MGMT: variants seen among roughly 807,000 people sequenced by gnomAD.
The protein encoded by MGMT is O-6-methylguanine-DNA methyltransferase.
A neutral mutation model predicts 15.9 loss-of-function variants in MGMT; 14 were observed. That is an observed-to-expected ratio of 0.88 (90% CI 0.58 to 1.37). MGMT has a LOEUF of 1.37. Ranked by LOEUF, MGMT falls within the 40% of genes most tolerant of loss-of-function variation. MGMT has a pLI of 0.00. For synonymous variants in MGMT, 130 were observed against 118.2 expected, an observed-to-expected ratio of 1.10 and a Z score of -0.65; for missense variants, 282 against 268.1, an observed-to-expected ratio of 1.05 and a Z score of -0.36.
chr10:129,672,531 T>C (rs536347121), intron 2 of MGMT, among the ~76,000 whole-genome samples: 1 of 152,322 alleles, frequency 6.6e-6, no homozygotes, highest in African/African-American at 2.4e-5. Context: ...TATTTCCCAT[T>C]ATTTTATATC....
At chr10:129,698,055 G>A (rs1443007375) in intron 2 of MGMT, among the ~76,000 whole-genome samples, 2 of 152,174 alleles carry the variant, frequency 1.3e-5, no homozygotes, top group Non-Finnish European at 2.9e-5. Flanking sequence ...GGTCTGTGCA[G>A]GAAAGAGTGA....
At chr10:129,702,856 G>A (rs1848115635) in intron 2 of MGMT, among the ~76,000 whole-genome samples, 1 of 152,182 alleles carries the variant, frequency 6.6e-6, no homozygotes, top group Non-Finnish European at 1.5e-5. Context: ...GCCCGTAATT[G>A]TTAGTGTTTC....
At chr10:129,652,603 G>A (rs923835784) in intron 2 of MGMT, among the ~76,000 whole-genome samples, 1 of 152,234 alleles carries the variant, frequency 6.6e-6, no homozygotes, top group Admixed American at 6.5e-5. Context: ...CCAGGCATGG[G>A]CACCTGACAC....
intron 2 of MGMT, among the ~76,000 whole-genome samples, chr10:129,604,161 G>A (rs1846858269): frequency 6.6e-6 from 1 of 152,158 alleles, no homozygotes; most frequent in Non-Finnish European, 1.5e-5. Context: ...CCTCCTCCTT[G>A]TTTGCATGAT....
At chr10:129,740,751 G>A (rs935284509) in intron 3 of MGMT, among the ~76,000 whole-genome samples, 3 of 152,178 alleles carry the variant, frequency 2.0e-5, no homozygotes, top group African/African-American at 7.2e-5. Flanking sequence ...GGGCGACCTT[G>A]GATAGGCTGC....
chr10:129,712,375 C>T (rs2133146503), intron 3 of MGMT, among the ~76,000 whole-genome samples: 1 of 152,330 alleles, frequency 6.6e-6, no homozygotes, highest in African/African-American at 2.4e-5. Context: ...TTAATAATTC[C>T]TTCGTCACAG....
intron 2 of MGMT, among the ~76,000 whole-genome samples, chr10:129,679,092 G>A (rs1003079652): frequency 3.3e-5 from 5 of 150,770 alleles, no homozygotes; most frequent in African/African-American, 1.2e-4. Flanking sequence ...AAAAAGAATC[G>A]TGATATTCTT....
intron 2 of MGMT, among the ~76,000 whole-genome samples, chr10:129,707,415 A>G (rs894462838): frequency 2.0e-5 from 3 of 151,856 alleles, no homozygotes; most frequent in African/African-American, 7.3e-5. Flanking sequence ...CGTGGGAATC[A>G]GGGGACTGCA....
In MGMT at chr10:129,556,478, A is replaced by T. The variant is rs1417081828; in HGVS notation, c.125+20101A>T. 6.6e-6 allele frequency among the ~76,000 whole-genome samples: 1 copy of T among 152,052 alleles called. No individual in the cohort carries two copies. Among genetic ancestry groups the T allele is most frequent in the Non-Finnish European group, 1.5e-5 (1 of 68,000 alleles). On this transcript the variant is annotated intron_variant, in intron 2 of 4. Transcript: ENST00000651593. This position sits in a 1 kb window ranked among gnomAD's most constrained non-coding sequence, Gnocchi z 4.3. ...CTTGGAGAAAACCAGCTGTGCCTAC[A>T]CCTTGGGTTCAGACTTGCAGCACCC... is the stretch of plus-strand genomic sequence containing the variant.
chr10:129,688,015 A>G (rs953800621), intron 2 of MGMT, among the ~76,000 whole-genome samples: 4 of 152,154 alleles, frequency 2.6e-5, no homozygotes, highest in Non-Finnish European at 5.9e-5. Flanking sequence ...TGTCCCTATA[A>G]AAGACATGAA....
At chr10:129,562,987 C>T (rs1226000328) in intron 2 of MGMT, among the ~76,000 whole-genome samples, 1 of 152,122 alleles carries the variant, frequency 6.6e-6, no homozygotes, top group African/African-American at 2.4e-5. Context: ...CACCATTCTG[C>T]GTCTCAGTAC....
intron 2 of MGMT, among the ~76,000 whole-genome samples, chr10:129,617,609 A>G (rs1474571790): frequency 6.6e-6 from 1 of 151,970 alleles, no homozygotes; most frequent in Non-Finnish European, 1.5e-5. Context: ...TTGACTTTTT[A>G]ATAAAAACCA....
At chr10:129,612,400 T>C (rs1846971429) in intron 2 of MGMT, among the ~76,000 whole-genome samples, 1 of 152,230 alleles carries the variant, frequency 6.6e-6, no homozygotes, top group African/African-American at 2.4e-5. Flanking sequence ...TCAGGTTACA[T>C]TTTGAAAGAG....
intron 1 of MGMT, among the ~76,000 whole-genome samples, chr10:129,527,979 C>G (rs865818590): frequency 9.9e-5 from 15 of 152,074 alleles, no homozygotes; most frequent in Admixed American, 3.9e-4. Flanking sequence ...AACACTATCC[C>G]TTCTCTCTCA....
chr10:129,617,921 C>T (rs1847046971), intron 2 of MGMT, among the ~76,000 whole-genome samples: 1 of 150,832 alleles, frequency 6.6e-6, no homozygotes, highest in Non-Finnish European at 1.5e-5. Context: ...ATGGGAGGAG[C>T]CAAAGGATGG....
intron 1 of MGMT, among the ~76,000 whole-genome samples, chr10:129,491,405 G>A (rs1254658205): frequency 1.3e-5 from 2 of 152,098 alleles, no homozygotes; most frequent in African/African-American, 4.8e-5. Flanking sequence ...AGCTAATTGT[G>A]TTATGGTTCT....
intron 2 of MGMT, among the ~76,000 whole-genome samples, chr10:129,585,565 C>T (rs750612809): frequency 1.3e-5 from 2 of 152,192 alleles, no homozygotes; most frequent in African/African-American, 2.4e-5. Context: ...GACACCCTCC[C>T]ATATTTTTTA....
At chr10:129,605,745 T>G (rs1846881775) in intron 2 of MGMT, among the ~76,000 whole-genome samples, 1 of 152,212 alleles carries the variant, frequency 6.6e-6, no homozygotes, top group Non-Finnish European at 1.5e-5. Context: ...CAAACACGTG[T>G]TGTGGACATT....
intron 1 of MGMT, among the ~76,000 whole-genome samples, chr10:129,475,629 G>T (rs1259360252): frequency 1.3e-5 from 2 of 152,174 alleles, no homozygotes; most frequent in Non-Finnish European, 2.9e-5. Flanking sequence ...GGATGCTGTG[G>T]TTGTGCGGGG....
Sources: allele counts gnomAD v4.1 joint callset (sites outside exome capture counted in the v4.1 genomes callset), GRCh38; gene constraint gnomAD v4.1.1; non-coding constraint Gnocchi (gnomAD v3.1); transcripts MANE v1.5; gene names NCBI Gene and HGNC (gene_info 2026-07-23, HGNC 2026-07-21).